RPGRIP1L: variants seen among roughly 807,000 people sequenced by gnomAD.
The protein encoded by RPGRIP1L is protein fantom.
Under a neutral mutation model 160.4 loss-of-function variants are expected in RPGRIP1L, and 131 were observed. The observed-to-expected ratio is 0.82, with a 90% CI of 0.71 to 0.94. The LOEUF is 0.94. Among genes scored for constraint, RPGRIP1L ranks in the 40% least tolerant of loss-of-function variants. The probability of loss-of-function intolerance (pLI) is 0.00; values close to 1 mark genes in which losing one functional copy is unlikely to be tolerated. For synonymous variants in RPGRIP1L, 510 were observed against 515.8 expected (o/e 0.99, Z 0.15); for missense variants, 1,522 against 1,535.8 (o/e 0.99, Z 0.15).
intron 6 of RPGRIP1L, among the ~76,000 whole-genome samples, chr16:53,684,603 T>C (rs1398159116): frequency 6.7e-6 from 1 of 149,210 alleles, no homozygotes; most frequent in Non-Finnish European, 1.5e-5. Context: ...TGGGTGGGGG[T>C]TGGGGGGAGG....
chr16:53,673,034 C>G lies in RPGRIP1L; in HGVS notation c.883-18G>C. 1 of 1,606,120 alleles carries G rather than the reference C, an allele frequency of 6.2e-7. No homozygotes were observed. The highest frequency in any genetic ancestry group is 1.1e-5 in the South Asian group (1 of 90,702). On this transcript the variant is annotated intron_variant, in intron 7 of 26. Transcript: ENST00000647211. ...CTTTGCTTCTAAAAGATAAAAAGAA[C>G]ATCTTTCAAACATTATTTTTGACTA...
chr16:53,698,130 C>T (rs111712942), intron 2 of RPGRIP1L, among the ~76,000 whole-genome samples: 34 of 151,802 alleles, frequency 2.2e-4, no homozygotes, highest in South Asian at 1.0e-3. Flanking sequence ...GCCCGGCAAC[C>T]GCCCCGTCTG....
chr16:53,676,718 C>T (rs1009568153), intron 6 of RPGRIP1L, among the ~76,000 whole-genome samples: 3 of 152,050 alleles, frequency 2.0e-5, no homozygotes, highest in African/African-American at 2.4e-5. Context: ...CTGCAACCTC[C>T]GCCTCCTGGT....
rs778195218 is a variant in RPGRIP1L at position 53,671,550 on chromosome 16, G to A, written c.1063C>T (p.Arg355Trp). The A allele has an allele frequency of 5.7e-6, 9 of 1,570,334 alleles. No individual in the cohort carries two copies. Among genetic ancestry groups the A allele is most frequent in the Admixed American group, 1.7e-5 (1 of 59,726 alleles). ...TCATAGTTTTCCTTTAAAAGTTCCC[G>A]TTCCTTTTCTAAATCATTAATTCTA... is the stretch of plus-strand genomic sequence containing the variant. Reference protein sequence around the residue: ...QDRINDLEKERELLKENYDKL... With the variant: ...QDRINDLEKEWELLKENYDKL... The change falls in exon 9 of 27, where the codon CGG becomes TGG. Residue 355 changes from arginine to tryptophan, a missense_variant. Coordinates refer to ENST00000647211, the MANE Select transcript of RPGRIP1L (RefSeq NM_015272.5).
chr16:53,656,440 T>A (rs753926340), intron 14 of RPGRIP1L, 32 bp downstream of exon 14: 1 of 1,334,922 alleles, frequency 7.5e-7, no homozygotes, highest in Non-Finnish European at 1.1e-6. Context: ...TTCCTCTAGT[T>A]ACTGTGGACC....
At chr16:53,630,882 G>A (rs376543423) in intron 22 of RPGRIP1L, among the ~76,000 whole-genome samples, 2 of 151,886 alleles carry the variant, frequency 1.3e-5, no homozygotes, top group South Asian at 2.1e-4. Flanking sequence ...ACAGGTGCCC[G>A]CCAACACGCC....
chr16:53,697,393 G>A (rs984868149), intron 2 of RPGRIP1L, among the ~76,000 whole-genome samples: 8 of 151,072 alleles, frequency 5.3e-5, no homozygotes, highest in Admixed American at 1.3e-4. Flanking sequence ...CTCTTTCCAC[G>A]GTCTCCCTCT....
chr16:53,650,699 T>A (rs1194262840), intron 15 of RPGRIP1L, among the ~76,000 whole-genome samples: 1 of 152,170 alleles, frequency 6.6e-6, no homozygotes, highest in African/African-American at 2.4e-5. Context: ...GTGAATATAT[T>A]ACCTCAATCA....
chr16:53,689,852 G>C (rs1469704848), intron 4 of RPGRIP1L, among the ~76,000 whole-genome samples: 1 of 152,164 alleles, frequency 6.6e-6, no homozygotes. Flanking sequence ...ACTCTATCCT[G>C]AACAGTGAGA....
At chr16:53,643,238 G>C (rs950461550) in intron 17 of RPGRIP1L, among the ~76,000 whole-genome samples, 1 of 151,460 alleles carries the variant, frequency 6.6e-6, no homozygotes, top group East Asian at 1.9e-4. Flanking sequence ...AACGTGGGAA[G>C]AGGAGGTTGC....
intron 14 of RPGRIP1L, 122 bp downstream of exon 14, chr16:53,656,350 G>C: frequency 1.3e-6 from 1 of 796,950 alleles, no homozygotes; most frequent in South Asian, 1.4e-5. Context: ...TCATGAGCTA[G>C]CTATGAATTA....
chr16:53,665,131 A>C, intron 9 of RPGRIP1L, 122 bp from the exon 10 acceptor site: 1 of 1,235,088 alleles, frequency 8.1e-7, no homozygotes, highest in South Asian at 1.3e-5. Flanking sequence ...TTAAGTAAAC[A>C]TATGCTGGTC....
At chr16:53,680,082 T>C (rs768475203) in intron 6 of RPGRIP1L, among the ~76,000 whole-genome samples, 37 of 152,232 alleles carry the variant, frequency 2.4e-4, no homozygotes, top group Non-Finnish European at 4.8e-4. Context: ...TACACTCATA[T>C]ACTAGTAACT....
chr16:53,662,279 G>T (rs1397216103), intron 10 of RPGRIP1L, among the ~76,000 whole-genome samples: 1 of 152,088 alleles, frequency 6.6e-6, no homozygotes, highest in Admixed American at 6.6e-5. Flanking sequence ...GCTGAATTAT[G>T]CATTTCAGCT....
Position 53,692,188 on chromosome 16 carries a change from G to A in RPGRIP1L, c.407C>T (p.Ala136Val). The change falls in exon 4 of 27, where the codon GCC becomes GTC. Residue 136 changes from alanine to valine, a missense_variant. By Grantham distance (64) the Ala-to-Val change is moderately conservative. Coordinates refer to ENST00000647211, the MANE Select transcript of RPGRIP1L (RefSeq NM_015272.5). ...NETLKNRLIS[A>V]KQQLQTQGYR... is the part of the protein sequence containing the mutation. ...ACCCTGGGTTTGAAGTTGCTGTTTG[G>A]CTGAAATCAGTCTGTTTTTGAGGGT... The A allele has an allele frequency of 1.2e-6, 2 of 1,613,960 alleles. No individual in the cohort carries two copies. The highest frequency in any genetic ancestry group is 8.5e-7 in the Non-Finnish European group (1 of 1,180,012).
intron 6 of RPGRIP1L, among the ~76,000 whole-genome samples, chr16:53,677,001 A>G (rs1365878992): frequency 6.6e-6 from 1 of 152,216 alleles, no homozygotes; most frequent in Non-Finnish European, 1.5e-5. Flanking sequence ...CAGTAACACA[A>G]TTAAATCTCT....
At chr16:53,628,776 T>A (rs1169244498) in intron 22 of RPGRIP1L, 1 of 152,230 alleles carries the variant, frequency 6.6e-6, no homozygotes, top group Non-Finnish European at 1.5e-5. Context: ...AGGTAAACGT[T>A]GCAAACTTCA....
intron 22 of RPGRIP1L, among the ~76,000 whole-genome samples, chr16:53,631,938 C>G (rs950819348): frequency 6.6e-6 from 1 of 152,066 alleles, no homozygotes; most frequent in Non-Finnish European, 1.5e-5. Flanking sequence ...CTTTATGTAG[C>G]CTGTTAAAAA....
intron 24 of RPGRIP1L, among the ~76,000 whole-genome samples, chr16:53,614,015 G>GA (rs1567796275): frequency 6.6e-6 from 1 of 152,102 alleles, no homozygotes; most frequent in African/African-American, 2.4e-5. Flanking sequence ...TGAAGCCAAA[G>GA]TTTTCCTGTT....
Sources: gnomAD v4.1 joint callset for allele counts (sites outside exome capture counted in the v4.1 genomes callset) on GRCh38, gnomAD v4.1.1 for gene constraint, MANE v1.5 for transcripts, NCBI Gene and HGNC (gene_info 2026-07-23, HGNC 2026-07-21) for gene names.